PPP1R13B: variants seen among roughly 807,000 people sequenced by gnomAD.
The protein encoded by PPP1R13B is protein phosphatase 1 regulatory subunit 13B.
PPP1R13B carries 44 observed loss-of-function variants against 119.8 expected under a neutral mutation model. The ratio of observed to expected loss-of-function variants is 0.37; its 90% CI spans 0.29 to 0.47. PPP1R13B has a LOEUF of 0.47. Ranked by LOEUF, PPP1R13B falls within the 20% of genes least tolerant of loss-of-function variation. PPP1R13B has a pLI of 0.99. For missense variants in PPP1R13B, 1,227 were observed against 1,413.5 expected, an observed-to-expected ratio of 0.87 and a Z score of 2.12; for synonymous variants, 542 against 561.5, an observed-to-expected ratio of 0.97 and a Z score of 0.49.
chr14:103,773,839 T>A (rs1014012540), intron 4 of PPP1R13B, among the ~76,000 whole-genome samples: 1 of 152,210 alleles, frequency 6.6e-6, no homozygotes, highest in African/African-American at 2.4e-5. Flanking sequence ...ACTGCCTCTA[T>A]CCTCTCCTGG....
intron 1 of PPP1R13B, among the ~76,000 whole-genome samples, chr14:103,829,600 A>G (rs1217264193): frequency 6.6e-6 from 1 of 152,068 alleles, no homozygotes; most frequent in Non-Finnish European, 1.5e-5. Context: ...GAGGATAAAA[A>G]CACACATCTA....
intron 1 of PPP1R13B, among the ~76,000 whole-genome samples, chr14:103,838,642 C>G (rs895106966): frequency 1.3e-5 from 2 of 152,242 alleles, no homozygotes; most frequent in Non-Finnish European, 2.9e-5. Flanking sequence ...GTGAGCACCT[C>G]TGATGGTGGA....
At chr14:103,752,723 C>T (rs889262354) in intron 7 of PPP1R13B, among the ~76,000 whole-genome samples, 4 of 151,964 alleles carry the variant, frequency 2.6e-5, no homozygotes, top group African/African-American at 4.8e-5. Flanking sequence ...TTAGTAGAGA[C>T]GGGGTTTCAC....
intron 4 of PPP1R13B, chr14:103,763,278 T>C: frequency 4.6e-6 from 2 of 430,688 alleles, no homozygotes; most frequent in South Asian, 5.6e-5. Context: ...TGTAGCTTCT[T>C]AGCACAGTGC....
At chr14:103,835,130 G>A (rs1264534187) in intron 1 of PPP1R13B, among the ~76,000 whole-genome samples, 1 of 152,010 alleles carries the variant, frequency 6.6e-6, no homozygotes, top group East Asian at 1.9e-4. Flanking sequence ...CTTTTAGACA[G>A]GATCTGTCTG....
At chr14:103,800,156 G>C (rs2085864661) in intron 1 of PPP1R13B, among the ~76,000 whole-genome samples, 1 of 152,088 alleles carries the variant, frequency 6.6e-6, no homozygotes, top group African/African-American at 2.4e-5. Context: ...TCTAATCTTT[G>C]ACAAAAGGTC....
intron 3 of PPP1R13B, among the ~76,000 whole-genome samples, chr14:103,780,478 C>A (rs181807508): frequency 2.4e-4 from 22 of 91,372 alleles, no homozygotes; most frequent in African/African-American, 9.2e-4. Context: ...CAAGTGAAAC[C>A]CTGTCTCAAA....
chr14:103,735,743 C>T lies in PPP1R13B; in HGVS notation c.3231+260G>A, dbSNP rs112820610. 5.8e-3 allele frequency among the ~76,000 whole-genome samples: 890 copies of T among 152,304 alleles called. 12 individuals are homozygous for T. Among genetic ancestry groups the T allele is most frequent in the African/African-American group, 0.021 (857 of 41,566 alleles). On this transcript the variant is annotated intron_variant, in intron 16 of 16. Coordinates refer to ENST00000202556, the MANE Select transcript of PPP1R13B (RefSeq NM_015316.3). ...CCACTTGGTGAAGTTCATCATGAAC[C>T]GAGCTCATTGAGCGGCCCCTCACTG...
At chr14:103,776,871 C>CAA (rs202043897) in intron 4 of PPP1R13B, among the ~76,000 whole-genome samples, 2 of 101,750 alleles carry the variant, frequency 2.0e-5, no homozygotes, top group Non-Finnish European at 4.2e-5. Context: ...GACTCTGCCT[C>CAA]AAAAAAAAAA....
rs145227669 is a variant in PPP1R13B, at chr14:103,768,229, C to T, written c.355-10478G>A. Among the ~76,000 whole-genome samples, 674 of 151,882 alleles carry T rather than the reference C, an allele frequency of 4.4e-3. 4 individuals are homozygous for T. The highest frequency in any genetic ancestry group is 8.1e-3 in the Non-Finnish European group (551 of 67,970). The stretch of plus-strand genomic sequence containing the variant: ...CCCCGGGGTTCAAGTGATTCTCCTG[C>T]CTCAGCCTCCCGGATAGCTGGGATT... On this transcript the variant is annotated intron_variant, in intron 4 of 16. Coordinates refer to ENST00000202556, the MANE Select transcript of PPP1R13B (RefSeq NM_015316.3).
chr14:103,825,455 T>C (rs2086516022), intron 1 of PPP1R13B, among the ~76,000 whole-genome samples: 1 of 152,174 alleles, frequency 6.6e-6, no homozygotes, highest in African/African-American at 2.4e-5. Flanking sequence ...AAGGAAAACT[T>C]CCTAAAATAA....
Position 103,735,207 on chromosome 14 carries a change from C to CGGAGCCGCGTCAGGACAG in PPP1R13B, c.3232-30_3232-13dup. ...ATCCGTGGATACAGCTGGGAAGCAA[C>CGGAGCCGCGTCAGGACAG]GGAGCCGCGTCAGGACAGGAAGCCA... On this transcript the variant is annotated splice_polypyrimidine_tract_variant and intron_variant, in intron 16 of 16. Coordinates refer to ENST00000202556, the MANE Select transcript of PPP1R13B (RefSeq NM_015316.3). 1 of 1,613,866 alleles carries CGGAGCCGCGTCAGGACAG rather than the reference C, an allele frequency of 6.2e-7. No homozygotes were observed.
chr14:103,848,495 G>T (rs2087127788), upstream of PPP1R13B: 1 of 985,332 alleles, frequency 1.0e-6, no homozygotes, highest in African/African-American at 1.7e-5. Flanking sequence ...GGTGCCATTC[G>T]CCCGGACCGC....
chr14:103,753,494 C>A, intron 6 of PPP1R13B, among the ~76,000 whole-genome samples: 1 of 152,144 alleles, frequency 6.6e-6, no homozygotes. Flanking sequence ...GAAGGCAGGG[C>A]CATCCAAGCC....
intron 1 of PPP1R13B, chr14:103,846,827 T>A (rs963417453): frequency 4.3e-6 from 2 of 467,482 alleles, no homozygotes; most frequent in African/African-American, 4.0e-5. Flanking sequence ...TCCAAATCCG[T>A]GCACTCGGCA....
At chr14:103,842,624 A>G (rs1019868452) in intron 1 of PPP1R13B, among the ~76,000 whole-genome samples, 3 of 151,758 alleles carry the variant, frequency 2.0e-5, no homozygotes, top group African/African-American at 7.3e-5. Context: ...CTTTATGAAG[A>G]GAAAACACTT....
intron 3 of PPP1R13B, among the ~76,000 whole-genome samples, chr14:103,780,009 C>T (rs181482073): frequency 2.0e-5 from 3 of 151,948 alleles, no homozygotes; most frequent in South Asian, 2.1e-4. Context: ...ATTACCCAGG[C>T]GTGGTGGTGC....
intron 3 of PPP1R13B, among the ~76,000 whole-genome samples, chr14:103,780,161 A>C (rs942673570): frequency 2.7e-5 from 4 of 148,786 alleles, no homozygotes; most frequent in African/African-American, 9.9e-5. Context: ...AAAAAACCAA[A>C]ACTAAAAGCA....
chr14:103,792,030 T>C (rs1239941636), intron 2 of PPP1R13B, among the ~76,000 whole-genome samples: 1 of 152,212 alleles, frequency 6.6e-6, no homozygotes, highest in Non-Finnish European at 1.5e-5. Flanking sequence ...AAATCAACTT[T>C]TAAACTTTTA....
Sources: allele counts gnomAD v4.1 joint callset (sites outside exome capture counted in the v4.1 genomes callset), GRCh38; gene constraint gnomAD v4.1.1; transcripts MANE v1.5; gene names NCBI Gene and HGNC (gene_info 2026-07-23, HGNC 2026-07-21).